Variants in PBX1 observed in about 807,000 individuals in gnomAD.
The protein encoded by PBX1 is PBX homeobox 1.
In PBX1, 6 loss-of-function variants were observed where a neutral mutation model predicts 53.4. That is an observed-to-expected ratio of 0.11 (90% confidence interval 0.06 to 0.22). The LOEUF (loss-of-function observed/expected upper bound fraction) is 0.22. PBX1 is among the 10% of genes least tolerant of loss of function. PBX1 has a pLI of 1.00. For missense variants in PBX1, 251 were observed against 551.4 expected, an observed-to-expected ratio of 0.46 and a Z score of 5.46; for synonymous variants, 204 against 212.3, an observed-to-expected ratio of 0.96 and a Z score of 0.34.
intron 2 of PBX1, among the ~76,000 whole-genome samples, chr1:164,612,947 C>T (rs1028151105): frequency 6.6e-6 from 1 of 152,140 alleles, no homozygotes; most frequent in African/African-American, 2.4e-5. Context: ...GAAAAATAGA[C>T]CTACCTCCCA....
At chr1:164,820,948 A>G (rs764827055) in intron 7 of PBX1, among the ~76,000 whole-genome samples, 22 of 152,186 alleles carry the variant, frequency 1.4e-4, no homozygotes, top group Non-Finnish European at 2.8e-4. Context: ...AGCCCGGAAC[A>G]GACCAACTGG....
At chr1:164,774,833 C>T (rs1247955606) in intron 2 of PBX1, among the ~76,000 whole-genome samples, 1 of 152,168 alleles carries the variant, frequency 6.6e-6, no homozygotes, top group South Asian at 2.1e-4. Flanking sequence ...TACACCACAT[C>T]GTGCCAACAA....
rs1046929553 is a variant in PBX1 at position 164,807,688 on chromosome 1, C to T, written c.837+11C>T. 1 of 1,613,728 alleles carries T rather than the reference C, an allele frequency of 6.2e-7. No homozygotes were observed. On this transcript the variant is annotated intron_variant, in intron 5 of 8. Transcript: ENST00000420696. Reference sequence around the variant, plus strand: ...ATCACAGTCTCCCAGGTAAGCAGCACCTCAAAAGCCTCAGCCTGTAGCCTG... The same window carrying T: ...ATCACAGTCTCCCAGGTAAGCAGCATCTCAAAAGCCTCAGCCTGTAGCCTG...
chr1:164,731,191 C>A (rs1664962358), intron 2 of PBX1, among the ~76,000 whole-genome samples: 1 of 152,086 alleles, frequency 6.6e-6, no homozygotes, highest in Non-Finnish European at 1.5e-5. Flanking sequence ...AGGGACTTCT[C>A]CATAAGAGGA....
intron 2 of PBX1, among the ~76,000 whole-genome samples, chr1:164,759,437 T>G (rs1666696736): frequency 1.3e-5 from 2 of 152,152 alleles, no homozygotes; most frequent in Admixed American, 1.3e-4. Flanking sequence ...CCAAGACTCC[T>G]TGCACCCCGG....
intron 2 of PBX1, among the ~76,000 whole-genome samples, chr1:164,874,961 C>T (rs1024098820): frequency 2.6e-5 from 4 of 152,174 alleles, no homozygotes; most frequent in African/African-American, 9.7e-5. Flanking sequence ...TGCAAAACCC[C>T]CTTACAGGGA....
chr1:164,789,667 T>C (rs1034318251), intron 2 of PBX1, among the ~76,000 whole-genome samples: 2 of 152,200 alleles, frequency 1.3e-5, no homozygotes, highest in African/African-American at 4.8e-5. Context: ...TTGCTGTTGT[T>C]GTTGAGACCA....
At chr1:164,806,558 C>G (rs1364407688) in intron 4 of PBX1, among the ~76,000 whole-genome samples, 1 of 152,138 alleles carries the variant, frequency 6.6e-6, no homozygotes, top group Non-Finnish European at 1.5e-5. Flanking sequence ...GCTGCAGAAG[C>G]TCTGCATAAT....
chr1:164,714,648 C>T (rs909176080), intron 2 of PBX1, among the ~76,000 whole-genome samples: 1 of 152,206 alleles, frequency 6.6e-6, no homozygotes, highest in Non-Finnish European at 1.5e-5. Context: ...TTTAAATTCT[C>T]TCAATAACAA....
At chr1:164,792,418 G>T in intron 2 of PBX1, 76 bp from the exon 3 acceptor site, 8 of 1,563,692 alleles carry the variant, frequency 5.1e-6, no homozygotes, top group Non-Finnish European at 6.9e-6. Context: ...TGTAGCCAAA[G>T]AACACAAATG....
rs1053419115 is a variant in PBX1 at position 164,799,897 on chromosome 1, T to A, written c.701+8T>A. ...CCGATTTCTGGATGCGCGGTGAGTC[T>A]CCCATGGGGCTGTCCTGCCCTCTCT... On this transcript the variant is annotated splice_region_variant and intron_variant, in intron 4 of 8. Transcript: ENST00000420696. 1.2e-6 allele frequency: 2 copies of A among 1,607,748 alleles called. No individual in the cohort carries two copies. Among genetic ancestry groups the A allele is most frequent in the African/African-American group, 2.7e-5 (2 of 74,824 alleles).
At chr1:164,691,559 C>T (rs1662489787) in intron 2 of PBX1, among the ~76,000 whole-genome samples, 1 of 152,152 alleles carries the variant, frequency 6.6e-6, no homozygotes, top group Admixed American at 6.5e-5. Flanking sequence ...CTTTCAGTCC[C>T]ATCTAGACAC....
chr1:164,665,333 G>A (rs1247693698), intron 2 of PBX1, among the ~76,000 whole-genome samples: 11 of 152,206 alleles, frequency 7.2e-5, no homozygotes, highest in African/African-American at 2.6e-4. Flanking sequence ...CATCCAGGCT[G>A]GAGTGCAGTG....
intron 2 of PBX1, among the ~76,000 whole-genome samples, chr1:164,621,860 C>A (rs1399232891): frequency 1.3e-5 from 2 of 151,964 alleles, no homozygotes; most frequent in Admixed American, 1.3e-4. Flanking sequence ...ATTTGACTTC[C>A]ATCTTCCTTA....
At position 164,724,670 on chromosome 1, in the gene PBX1, A is replaced by ATTTTTTTTTTT. The variant is rs59042806; in HGVS notation, c.266-67795_266-67785dup. Among the ~76,000 whole-genome samples, 12 of 48,230 alleles carry ATTTTTTTTTTT rather than the reference A, an allele frequency of 2.5e-4. 2 individuals carry two copies. The highest frequency in any genetic ancestry group is 1.1e-3 in the East Asian group (2 of 1,902). The allele number at this position is 48,230 out of a possible 152,430, so 31.6% of individuals were successfully genotyped here. A position where few individuals can be genotyped will look rare whatever the true frequency, so the allele number is the denominator to read the frequency against. ...CAGATGCCCATTGCAATAGCTGCAG[A>ATTTTTTTTTTT]TTTTTTTTTTTTTTTTTTTTTTTTT... is the stretch of plus-strand genomic sequence containing the variant. On this transcript the variant is annotated intron_variant, in intron 2 of 8. Transcript: ENST00000420696.
chr1:164,668,075 C>T (rs143645235), intron 2 of PBX1, among the ~76,000 whole-genome samples: 22 of 152,266 alleles, frequency 1.4e-4, no homozygotes, highest in Non-Finnish European at 2.5e-4. Context: ...TCCATTTCTA[C>T]ATGCCTTTCC....
At chr1:164,786,074 A>G (rs1668158302) in intron 2 of PBX1, among the ~76,000 whole-genome samples, 1 of 152,210 alleles carries the variant, frequency 6.6e-6, no homozygotes, top group South Asian at 2.1e-4. Flanking sequence ...CTCTGGTACA[A>G]CTTGTAACTG....
In PBX1 at chr1:164,643,595, A is replaced by G. The variant is rs534162429; in HGVS notation, c.265+80284A>G. ...CAGTCTGCAGCACTGTTTGTTTCCAATGGTACATGAGCTAATACCTTGGCT... is the reference window on the plus strand; with the variant it reads ...CAGTCTGCAGCACTGTTTGTTTCCAGTGGTACATGAGCTAATACCTTGGCT... On this transcript the variant is annotated intron_variant, in intron 2 of 8. Transcript: ENST00000420696. 3.4e-4 allele frequency among the ~76,000 whole-genome samples: 52 copies of G among 152,308 alleles called. 1 individual carries two copies. The highest frequency in any genetic ancestry group is 3.1e-4 in the African/African-American group (13 of 41,558).
At chr1:164,635,929 A>C (rs1179453371) in intron 2 of PBX1, among the ~76,000 whole-genome samples, 1 of 152,156 alleles carries the variant, frequency 6.6e-6, no homozygotes, top group African/African-American at 2.4e-5. Context: ...ATTCACAAGC[A>C]CAGCTCATTT....
Sources: allele counts gnomAD v4.1 joint callset (sites outside exome capture counted in the v4.1 genomes callset), GRCh38; gene constraint gnomAD v4.1.1; transcripts MANE v1.5; gene names NCBI Gene and HGNC (gene_info 2026-07-23, HGNC 2026-07-21).